Variants in DLC1 observed in about 807,000 individuals in gnomAD.
The protein encoded by DLC1 is rho GTPase-activating protein 7.
A neutral mutation model predicts 140.3 loss-of-function variants in DLC1; 54 were observed. That is an observed-to-expected ratio of 0.38 (90% CI 0.31 to 0.48). DLC1 has a LOEUF of 0.48. DLC1 is among the 20% of genes least tolerant of loss of function. DLC1 has a pLI of 0.96. For synonymous variants in DLC1, 986 were observed against 728.1 expected (o/e 1.35, Z -5.70); for missense variants, 2,536 against 1,907.0 (o/e 1.33, Z -6.14).
chr8:13,596,434 A>T (rs1004371370), intron 1 of DLC1, among the ~76,000 whole-genome samples: 8 of 151,916 alleles, frequency 5.3e-5, no homozygotes, highest in Non-Finnish European at 4.4e-5. Context: ...GGGTCTATGG[A>T]ACTTTTCCAA....
At position 13,098,136 on chromosome 8, in the gene DLC1, A is replaced by G. The variant is rs187749042; in HGVS notation, c.3167+263T>C. Among the ~76,000 whole-genome samples the G allele has an allele frequency of 3.2e-4, 49 of 151,808 alleles. No individual in the cohort carries two copies. The East Asian group carries it at 9.5e-3, about 29-fold the overall frequency. ...GCCACTCTGGAGCCTCAGGTGGGAG[A>G]ATCGCTAGAGCCCAGAAGGTCAAGG... is the stretch of plus-strand genomic sequence containing the variant. On this transcript the variant is annotated intron_variant, in intron 10 of 17. Transcript: ENST00000276297.
chr8:13,536,624 G>A (rs1245942988), intron 1 of DLC1, among the ~76,000 whole-genome samples: 3 of 152,108 alleles, frequency 2.0e-5, no homozygotes, highest in African/African-American at 7.2e-5. Context: ...GAGTTACAGG[G>A]CAATATTTGA....
intron 5 of DLC1, among the ~76,000 whole-genome samples, chr8:13,265,487 G>A (rs992457988): frequency 2.0e-5 from 3 of 152,126 alleles, no homozygotes; most frequent in African/African-American, 4.8e-5. Flanking sequence ...CAGGGTCACA[G>A]AAATAAAAAC....
intron 2 of DLC1, among the ~76,000 whole-genome samples, chr8:13,464,352 A>T (rs1480141567): frequency 6.6e-6 from 1 of 152,206 alleles, no homozygotes; most frequent in Non-Finnish European, 1.5e-5. Context: ...ATAAGTCATT[A>T]TCCTTGCCTT....
chr8:13,209,305 T>C (rs1827826369), intron 5 of DLC1, among the ~76,000 whole-genome samples: 2 of 152,162 alleles, frequency 1.3e-5, no homozygotes, highest in Non-Finnish European at 2.9e-5. Context: ...GCAATCTTAA[T>C]TTCCAGTATT....
At chr8:13,437,942 A>G (rs1298558086) in intron 2 of DLC1, among the ~76,000 whole-genome samples, 5 of 147,650 alleles carry the variant, frequency 3.4e-5, no homozygotes, top group African/African-American at 1.2e-4. Flanking sequence ...CCAGGAAACT[A>G]AAAAAAAAAA....
At chr8:13,522,812 C>A (rs1465762242) in intron 1 of DLC1, among the ~76,000 whole-genome samples, 3 of 151,900 alleles carry the variant, frequency 2.0e-5, no homozygotes, top group African/African-American at 7.3e-5. Flanking sequence ...CAGAGTAAGT[C>A]TCACTGCAAA....
At chr8:13,359,171 C>T (rs900189994) in intron 4 of DLC1, among the ~76,000 whole-genome samples, 7 of 152,196 alleles carry the variant, frequency 4.6e-5, no homozygotes, top group Non-Finnish European at 1.0e-4. Flanking sequence ...GATCTCCTGA[C>T]CTCGTGATCC....
At chr8:13,563,330 A>C (rs1447010897) in intron 1 of DLC1, among the ~76,000 whole-genome samples, 1 of 152,218 alleles carries the variant, frequency 6.6e-6, no homozygotes, top group Non-Finnish European at 1.5e-5. Flanking sequence ...AGATGTGGTC[A>C]CAATGTGGCT....
At chr8:13,148,619 C>G in intron 5 of DLC1, among the ~76,000 whole-genome samples, 1 of 152,034 alleles carries the variant, frequency 6.6e-6, no homozygotes, top group South Asian at 2.1e-4. Context: ...GGCATGCTGG[C>G]ATTTCCTCCT....
At chr8:13,404,651 G>A (rs1837444564) in intron 2 of DLC1, among the ~76,000 whole-genome samples, 1 of 152,010 alleles carries the variant, frequency 6.6e-6, no homozygotes, top group African/African-American at 2.4e-5. Flanking sequence ...GAGCAACAAG[G>A]AATTTACCTT....
chr8:13,496,887 G>A (rs1207366921), intron 2 of DLC1, among the ~76,000 whole-genome samples: 2 of 133,852 alleles, frequency 1.5e-5, no homozygotes, highest in South Asian at 2.5e-4. Flanking sequence ...TGCAAGCTCC[G>A]CCTCCCGGGT....
At chr8:13,440,514 A>G (rs1398617805) in intron 2 of DLC1, among the ~76,000 whole-genome samples, 1 of 152,144 alleles carries the variant, frequency 6.6e-6, no homozygotes, top group East Asian at 1.9e-4. Context: ...AATTTTGGTA[A>G]AGATATGAAG....
chr8:13,109,911 C>CA (rs1321941514), intron 7 of DLC1, among the ~76,000 whole-genome samples: 9 of 151,206 alleles, frequency 6.0e-5, no homozygotes, highest in African/African-American at 9.7e-5. Flanking sequence ...AAAACAGAAA[C>CA]AAAAAAAACA....
chr8:13,555,342 A>G (rs1318140751), intron 1 of DLC1, among the ~76,000 whole-genome samples: 3 of 151,972 alleles, frequency 2.0e-5, no homozygotes, highest in African/African-American at 4.8e-5. Flanking sequence ...TTTTTTTAAT[A>G]AGGTATTTCA....
chr8:13,422,792 A>T (rs929063074), intron 2 of DLC1, among the ~76,000 whole-genome samples: 7 of 145,940 alleles, frequency 4.8e-5, no homozygotes, highest in African/African-American at 1.7e-4. Flanking sequence ...CATGCAAACA[A>T]CCAGCTAAAA....
chr8:13,412,693 GGAGGCC>G (rs1046675784), intron 2 of DLC1, among the ~76,000 whole-genome samples: 2 of 151,968 alleles, frequency 1.3e-5, no homozygotes, highest in Admixed American at 6.6e-5. Context: ...CAGCACTTTG[GGAGGCC>G]GAGGTGGGCG....
At chr8:13,145,082 T>C (rs1823316550) in intron 5 of DLC1, among the ~76,000 whole-genome samples, 1 of 152,164 alleles carries the variant, frequency 6.6e-6, no homozygotes, top group Non-Finnish European at 1.5e-5. Context: ...GAAAAAGTAC[T>C]AAATATCTCA....
chr8:13,566,504 A>G (rs919159685), intron 1 of DLC1, among the ~76,000 whole-genome samples: 1 of 152,134 alleles, frequency 6.6e-6, no homozygotes, highest in Non-Finnish European at 1.5e-5. Context: ...AACACTGCAG[A>G]CAAGTTTTTG....
Sources: allele counts gnomAD v4.1 joint callset (sites outside exome capture counted in the v4.1 genomes callset), GRCh38; gene constraint gnomAD v4.1.1; transcripts MANE v1.5; gene names NCBI Gene and HGNC (gene_info 2026-07-23, HGNC 2026-07-21).